The following GRM5 variants were observed in gnomAD, a reference collection of about 807,000 sequenced individuals.
The protein encoded by GRM5 is glutamate metabotropic receptor 5.
GRM5 carries 19 observed loss-of-function variants against 83.1 expected under a neutral mutation model. That is an observed-to-expected ratio of 0.23 (90% confidence interval 0.16 to 0.34). The LOEUF is 0.34. Ranked by LOEUF, GRM5 falls within the 10% of genes least tolerant of loss-of-function variation. The pLI is 1.00. For synonymous variants in GRM5, 675 were observed against 633.6 expected (o/e 1.07, Z -0.98); for missense variants, 1,160 against 1,588.3 (o/e 0.73, Z 4.58).
chr11:88,712,558 A>G (rs1411185848), intron 3 of GRM5, among the ~76,000 whole-genome samples: 2 of 152,042 alleles, frequency 1.3e-5, no homozygotes, highest in Non-Finnish European at 2.9e-5. Flanking sequence ...TCTTACTTGC[A>G]TGGAAATAAG....
intron 3 of GRM5, among the ~76,000 whole-genome samples, chr11:88,839,922 G>C (rs1944166161): frequency 1.3e-5 from 2 of 152,030 alleles, no homozygotes. Context: ...GAAAATCATA[G>C]GGAAGAAAAA....
intron 9 of GRM5, among the ~76,000 whole-genome samples, chr11:88,524,925 C>A (rs1941829165): frequency 6.6e-6 from 1 of 152,152 alleles, no homozygotes; most frequent in Non-Finnish European, 1.5e-5. Flanking sequence ...AAAACCAGTT[C>A]TAAGCTTTGT....
intron 9 of GRM5, among the ~76,000 whole-genome samples, chr11:88,520,491 A>G (rs1022516884): frequency 5.3e-5 from 8 of 152,210 alleles, no homozygotes; most frequent in African/African-American, 1.9e-4. Flanking sequence ...GGTACAAACT[A>G]TAGCATGTGG....
intron 2 of GRM5, among the ~76,000 whole-genome samples, chr11:88,856,262 A>T (rs1944474338): frequency 6.6e-6 from 1 of 152,102 alleles, no homozygotes; most frequent in African/African-American, 2.4e-5. Context: ...TTATGTCCTT[A>T]TTCTATGAGC....
At chr11:88,804,544 C>A (rs532153776) in intron 3 of GRM5, among the ~76,000 whole-genome samples, 1 of 151,416 alleles carries the variant, frequency 6.6e-6, no homozygotes, top group African/African-American at 2.4e-5. Context: ...TGTGGGGTGG[C>A]GGGAGCGGGG....
chr11:88,806,938 A>G (rs891354565), intron 3 of GRM5, among the ~76,000 whole-genome samples: 1 of 152,188 alleles, frequency 6.6e-6, no homozygotes, highest in Non-Finnish European at 1.5e-5. Flanking sequence ...CTTCAAGACA[A>G]TGATTATCTT....
intron 3 of GRM5, among the ~76,000 whole-genome samples, chr11:88,693,799 C>G (rs982347846): frequency 6.6e-6 from 1 of 152,198 alleles, no homozygotes; most frequent in African/African-American, 2.4e-5. Flanking sequence ...AGCCTAGAGC[C>G]ACACTAATTG....
chr11:88,844,888 A>C (rs1342910572), intron 3 of GRM5, among the ~76,000 whole-genome samples: 1 of 152,258 alleles, frequency 6.6e-6, no homozygotes, highest in Admixed American at 6.5e-5. Context: ...ATCTCATGAT[A>C]AATCTTAAAT....
At chr11:88,547,573 C>T (rs1009172872) in intron 8 of GRM5, among the ~76,000 whole-genome samples, 6 of 152,168 alleles carry the variant, frequency 3.9e-5, no homozygotes, top group Admixed American at 1.3e-4. Flanking sequence ...AGGCTATCTC[C>T]TCTATGAGTT....
At chr11:88,722,367 A>C (rs552449903) in intron 3 of GRM5, among the ~76,000 whole-genome samples, 13 of 152,108 alleles carry the variant, frequency 8.5e-5, no homozygotes, top group Non-Finnish European at 1.8e-4. Context: ...TTTCTGACAC[A>C]ACTCCAACCT....
At chr11:88,794,990 T>A (rs1465129976) in intron 3 of GRM5, among the ~76,000 whole-genome samples, 1 of 152,220 alleles carries the variant, frequency 6.6e-6, no homozygotes, top group Non-Finnish European at 1.5e-5. Flanking sequence ...GAATTTCCAC[T>A]GTGTGCCTCC....
chr11:88,700,614 T>C (rs10082590), intron 3 of GRM5, among the ~76,000 whole-genome samples: 85,911 of 151,966 alleles, frequency 0.57, 27,026 homozygotes, highest in South Asian at 0.8. Flanking sequence ...TTACTGTTCC[T>C]TTTCACAGGG....
At chr11:89,019,569 G>T in intron 2 of GRM5, among the ~76,000 whole-genome samples, 1 of 151,990 alleles carries the variant, frequency 6.6e-6, no homozygotes, top group African/African-American at 2.4e-5. Context: ...GCTGGTCGTG[G>T]TGGTGGGTGC....
intron 3 of GRM5, among the ~76,000 whole-genome samples, chr11:88,722,627 T>C (rs1941574330): frequency 6.6e-6 from 1 of 152,182 alleles, no homozygotes; most frequent in Admixed American, 6.6e-5. Flanking sequence ...CATATACTAT[T>C]GTTTACTGTA....
At position 88,671,766 on chromosome 11, in the gene GRM5, T is replaced by C. The variant is rs141855177; in HGVS notation, c.912-18363A>G. ...TAAAACATTGGTTCCTTTTGAAGAG[T>C]GTGTTAGACTTGGAATGAGCAAGCT... On this transcript the variant is annotated intron_variant, in intron 3 of 9. Transcript: ENST00000305447. 6.1e-3 allele frequency among the ~76,000 whole-genome samples: 926 copies of C among 152,066 alleles called. 7 individuals carry two copies. The highest frequency in any genetic ancestry group is 0.034 in the Middle Eastern group (10 of 294).
intron 4 of GRM5, among the ~76,000 whole-genome samples, chr11:88,629,996 T>G (rs1938917931): frequency 6.6e-6 from 1 of 152,176 alleles, no homozygotes; most frequent in Non-Finnish European, 1.5e-5. Context: ...TGGTCTCCCA[T>G]CTGTTTCCTT....
At chr11:88,914,693 T>C (rs2135617164) in intron 2 of GRM5, among the ~76,000 whole-genome samples, 1 of 152,284 alleles carries the variant, frequency 6.6e-6, no homozygotes, top group Non-Finnish European at 1.5e-5. Context: ...CTTTACCAGC[T>C]TACTACAAAC....
intron 1 of GRM5, among the ~76,000 whole-genome samples, chr11:89,065,104 A>G (rs1482315702): frequency 8.6e-5 from 13 of 151,308 alleles, no homozygotes; most frequent in Non-Finnish European, 8.8e-5. Context: ...CCCTCCTAGT[A>G]CTGTAGTCCT....
intron 4 of GRM5, among the ~76,000 whole-genome samples, chr11:88,636,585 A>C (rs1308907884): frequency 6.6e-6 from 1 of 152,192 alleles, no homozygotes; most frequent in East Asian, 1.9e-4. Context: ...AAATTATTAT[A>C]ATAGGTTTTC....
Sources: allele counts gnomAD v4.1 joint callset (sites outside exome capture counted in the v4.1 genomes callset), GRCh38; gene constraint gnomAD v4.1.1; transcripts MANE v1.5; gene names NCBI Gene and HGNC (gene_info 2026-07-23, HGNC 2026-07-21).